IRAK2: variants seen among roughly 807,000 people sequenced by gnomAD.
IRAK2 encodes interleukin 1 receptor associated kinase 2.
A neutral mutation model predicts 72.0 loss-of-function variants in IRAK2; 57 were observed. That is an observed-to-expected ratio of 0.79 (90% CI 0.64 to 0.99). The LOEUF (loss-of-function observed/expected upper bound fraction) is 0.99. IRAK2 is among the 50% of genes least tolerant of loss of function. The pLI is 0.00. For synonymous variants in IRAK2, 293 were observed against 312.7 expected, an observed-to-expected ratio of 0.94 and a Z score of 0.67; for missense variants, 790 against 794.4, an observed-to-expected ratio of 0.99 and a Z score of 0.07.
At chr3:10,218,122 G>A (rs1238261125) in intron 7 of IRAK2, among the ~76,000 whole-genome samples, 1 of 152,084 alleles carries the variant, frequency 6.6e-6, no homozygotes, top group Non-Finnish European at 1.5e-5. Flanking sequence ...CTACACCAGG[G>A]CTTCAAAAAT....
At chr3:10,172,537 CA>C (rs71055803) in intron 1 of IRAK2, among the ~76,000 whole-genome samples, 1,637 of 34,896 alleles carry the variant, frequency 0.047, 10 homozygotes, top group African/African-American at 0.095. Flanking sequence ...AACTCCGACT[CA>C]AAAAAAAAAA....
At chr3:10,170,927 C>T (rs1443983549) in intron 1 of IRAK2, among the ~76,000 whole-genome samples, 1 of 152,216 alleles carries the variant, frequency 6.6e-6, no homozygotes. Flanking sequence ...CCTAAAAATT[C>T]TTGGCTTCCT....
At chr3:10,177,686 C>A in intron 1 of IRAK2, 152 bp from the exon 2 acceptor site, 1 of 744,578 alleles carries the variant, frequency 1.3e-6, no homozygotes, top group Non-Finnish European at 2.3e-6. Flanking sequence ...ACTTGGGCCA[C>A]CTGTGGACCT....
rs1213662447 is a variant in IRAK2 at position 10,238,825 on chromosome 3, G to A, written c.1551G>A (p.Glu517=). 1 of 1,614,128 alleles carries A rather than the reference G, an allele frequency of 6.2e-7. No individual in the cohort carries two copies. Among genetic ancestry groups the A allele is most frequent in the East Asian group, 2.2e-5 (1 of 44,876 alleles). Reference sequence around the variant, plus strand: ...TGCTCCCTTGGAGTGGGCTTTCTGAGGGTACAGGCTCTTCTTCCAACACCC... The same window carrying A: ...TGCTCCCTTGGAGTGGGCTTTCTGAAGGTACAGGCTCTTCTTCCAACACCC... ...ETLLPWSGLS[E]GTGSSSNTPE... The change falls in exon 12 of 13, where the codon GAG becomes GAA. Residue 517 remains glutamate, a synonymous_variant. Transcript: ENST00000256458.
intron 3 of IRAK2, among the ~76,000 whole-genome samples, chr3:10,208,324 C>G (rs895655112): frequency 6.6e-6 from 1 of 151,872 alleles, no homozygotes; most frequent in African/African-American, 2.4e-5. Context: ...TTTTTTGAGA[C>G]AGGGTCTCAT....
At chr3:10,218,443 A>ACC (rs1357225995) in intron 7 of IRAK2, among the ~76,000 whole-genome samples, 3 of 130,536 alleles carry the variant, frequency 2.3e-5, no homozygotes, top group Non-Finnish European at 3.2e-5. Flanking sequence ...AAAAAAAAAA[A>ACC]AACCAAAACG....
chr3:10,185,031 A>T (rs1313235181), intron 2 of IRAK2, among the ~76,000 whole-genome samples: 1 of 150,190 alleles, frequency 6.7e-6, no homozygotes, highest in Non-Finnish European at 1.5e-5. Flanking sequence ...GCGCCGGGCC[A>T]AAACTCCATT....
chr3:10,236,700 A>C (rs78980108), intron 11 of IRAK2, among the ~76,000 whole-genome samples: 4,878 of 152,246 alleles, frequency 0.032, 252 homozygotes, highest in African/African-American at 0.11. Context: ...TATTCTAAAA[A>C]GTTCTGTCTC....
chr3:10,223,013 C>T (rs1360703623), intron 9 of IRAK2, among the ~76,000 whole-genome samples, 182 bp downstream of exon 9: 1 of 152,114 alleles, frequency 6.6e-6, no homozygotes, highest in Non-Finnish European at 1.5e-5. Flanking sequence ...GGTCTGTGAG[C>T]TAAGGGTAGT....
chr3:10,213,887 C>G (rs1177770153), intron 6 of IRAK2, among the ~76,000 whole-genome samples: 1 of 151,944 alleles, frequency 6.6e-6, no homozygotes, highest in Non-Finnish European at 1.5e-5. Context: ...TCCTTCCTTC[C>G]ACATGGGAAT....
At position 10,167,706 on chromosome 3, in the gene IRAK2, C is replaced by T. The variant is rs142794343; in HGVS notation, c.94+2658C>T. 2.5e-3 allele frequency among the ~76,000 whole-genome samples: 388 copies of T among 152,198 alleles called. 2 individuals carry two copies. The highest frequency in any genetic ancestry group is 6.8e-3 in the Middle Eastern group (2 of 292). ...CTGGGATTACAGGCGTGAGCCACCG[C>T]GCCCAGCCAGTTTCTTTTTATTGTA... On this transcript the variant is annotated intron_variant, in intron 1 of 12. Transcript: ENST00000256458.
intron 3 of IRAK2, among the ~76,000 whole-genome samples, chr3:10,205,840 C>G (rs1397467594): frequency 6.6e-6 from 1 of 152,190 alleles, no homozygotes; most frequent in African/African-American, 2.4e-5. Context: ...CAGACATGGC[C>G]AAAAACTTGG....
rs555759232 is a variant in IRAK2 at position 10,191,371 on chromosome 3, G to T, written c.278-8998G>T. On this transcript the variant is annotated intron_variant, in intron 2 of 12. Transcript: ENST00000256458. Reference sequence around the variant, plus strand: ...GCTAAGGAGGCAGGAGTATGAGACAGAGCAGATGGTTATTTGGTAAGTACT... The same window carrying T: ...GCTAAGGAGGCAGGAGTATGAGACATAGCAGATGGTTATTTGGTAAGTACT... Among the ~76,000 whole-genome samples, 4 of 152,194 alleles carry T rather than the reference G, an allele frequency of 2.6e-5. 1 individual carries two copies. In the South Asian group the frequency reaches 8.3e-4, roughly 32 times the overall value.
At chr3:10,232,943 A>G (rs1697881315) in intron 10 of IRAK2, among the ~76,000 whole-genome samples, 1 of 152,190 alleles carries the variant, frequency 6.6e-6, no homozygotes, top group Admixed American at 6.5e-5. Flanking sequence ...ATGTGCCTAT[A>G]GTCCCAGCTA....
chr3:10,228,827 C>T (rs1349631376), intron 10 of IRAK2, among the ~76,000 whole-genome samples: 3 of 152,082 alleles, frequency 2.0e-5, no homozygotes, highest in Non-Finnish European at 4.4e-5. Context: ...TGGTGGTTTC[C>T]ACCTAAATTG....
intron 9 of IRAK2, 148 bp from the exon 10 acceptor site, chr3:10,226,223 C>A: frequency 1.8e-6 from 1 of 568,378 alleles, no homozygotes; most frequent in Non-Finnish European, 3.2e-6. Flanking sequence ...TAGTGATATT[C>A]CCATGTTCCA....
intron 1 of IRAK2, among the ~76,000 whole-genome samples, chr3:10,175,890 C>CAAAAAAAAA (rs59718922): frequency 5.6e-5 from 3 of 53,692 alleles, no homozygotes; most frequent in Non-Finnish European, 7.0e-5. Context: ...GACTCCGTCT[C>CAAAAAAAAA]AAAAAAAAAA....
intron 10 of IRAK2, among the ~76,000 whole-genome samples, chr3:10,227,174 G>A (rs1251858184): frequency 6.6e-6 from 1 of 152,084 alleles, no homozygotes; most frequent in Non-Finnish European, 1.5e-5. Context: ...GGCTGGGTGT[G>A]GTGGCTCACA....
At chr3:10,202,750 G>A (rs1243963001) in intron 3 of IRAK2, among the ~76,000 whole-genome samples, 1 of 143,228 alleles carries the variant, frequency 7.0e-6, no homozygotes, top group Non-Finnish European at 1.5e-5. Context: ...AGGTGACGGT[G>A]GCACGGTCAT....
Sources: gnomAD v4.1 joint callset for allele counts (sites outside exome capture counted in the v4.1 genomes callset) on GRCh38, gnomAD v4.1.1 for gene constraint, MANE v1.5 for transcripts, NCBI Gene and HGNC (gene_info 2026-07-23, HGNC 2026-07-21) for gene names.